Variants in TRIM49 observed in about 807,000 individuals in gnomAD.
TRIM49 encodes the protein tripartite motif-containing protein 49.
A neutral mutation model predicts 27.4 loss-of-function variants in TRIM49; 5 were observed. The ratio of observed to expected loss-of-function variants is 0.18; its 90% CI spans 0.10 to 0.38. TRIM49 has a LOEUF of 0.38. TRIM49 is among the 10% of genes least tolerant of loss of function. The pLI is 1.00. For missense variants in TRIM49, 188 were observed against 487.5 expected, an observed-to-expected ratio of 0.39 and a Z score of 5.79; for synonymous variants, 69 against 166.0, an observed-to-expected ratio of 0.42 and a Z score of 4.49.
chr11:89,784,618 G>C, the TRIM49 span, among the ~76,000 whole-genome samples: 2 of 139,646 alleles, frequency 1.4e-5, no homozygotes, highest in African/African-American at 6.0e-5. Context: ...CTCCAACCCA[G>C]CACTCCTTTT....
downstream of TRIM49, among the ~76,000 whole-genome samples, chr11:89,795,885 TGA>T (rs1491318742): frequency 1.3e-4 from 20 of 149,696 alleles, no homozygotes; most frequent in African/African-American, 4.2e-4. Context: ...TAAAGTATAA[TGA>T]AAAAAAAAAT....
chr11:89,777,203 C>A, the TRIM49 span: 1 of 1,548,682 alleles, frequency 6.5e-7, no homozygotes, highest in East Asian at 2.5e-5. Context: ...AAGCTGTCTT[C>A]CCTAGCCAGA....
rs745730767 is a variant in TRIM49 at position 89,798,265 on chromosome 11, T to G, written c.1224A>C (p.Arg408=). 1 of 1,577,002 alleles carries G rather than the reference T, an allele frequency of 6.3e-7. No individual in the cohort carries two copies. The highest frequency in any genetic ancestry group is 8.6e-7 in the Non-Finnish European group (1 of 1,168,516). Residue 408 remains arginine (R), a synonymous_variant, in exon 8 of 8, where the codon CGA becomes CGC. Transcript: ENST00000329758. The part of the protein sequence containing the change: ...MLQYIPKPTS[R]VGLFLDCEAK... The stretch of plus-strand genomic sequence containing the variant: ...CCTCACAATCCAGGAATAATCCTAC[T>G]CGGCTGGTAGGTTTTGGGATATATT...
chr11:89,807,974 C>G (rs1949800370), intron 1 of TRIM49, among the ~76,000 whole-genome samples: 1 of 127,224 alleles, frequency 7.9e-6, no homozygotes, highest in African/African-American at 3.5e-5. Flanking sequence ...CCTGGGGTCT[C>G]TCATTGAATT....
the TRIM49 span, chr11:89,787,168 G>A: frequency 1.1e-4 from 25 of 220,066 alleles, no homozygotes; most frequent in African/African-American, 5.8e-4. Flanking sequence ...AAAACTGCCT[G>A]CAGAGGGTCA....
At position 89,798,306 on chromosome 11, in the gene TRIM49, A is replaced by C. The variant is rs2134632942; in HGVS notation, c.1183T>G (p.Ser395Ala). ...NDIQCSLFTT[S>A]PLMLQYIPKP... ...GGGATATATTGCAGCATAAGTGGGG[A>C]GGTGGTAAAGAGACTGCATTGAATG... Residue 395 changes from serine (S) to alanine (A), a missense_variant, in exon 8 of 8, where the codon TCC (serine) becomes GCC (alanine). By Grantham distance (99) the Ser-to-Ala change is moderately conservative. Coordinates refer to ENST00000329758, the MANE Select transcript of TRIM49 (RefSeq NM_020358.2). 5.1e-6 allele frequency: 8 copies of C among 1,574,220 alleles called. No individual in the cohort carries two copies. In the East Asian group the frequency reaches 2.0e-4, roughly 39 times the overall value.
chr11:89,770,340 A>G, the TRIM49 span, among the ~76,000 whole-genome samples: 1 of 131,478 alleles, frequency 7.6e-6, no homozygotes, highest in Non-Finnish European at 1.5e-5. Flanking sequence ...CTGTATTCTC[A>G]TTCTTTCTCC....
the TRIM49 span, among the ~76,000 whole-genome samples, chr11:89,790,499 C>A: frequency 2.5e-4 from 38 of 152,106 alleles, no homozygotes; most frequent in South Asian, 5.2e-3. Flanking sequence ...AGGCACCCCC[C>A]AGTAGGGGCA....
the TRIM49 span, among the ~76,000 whole-genome samples, chr11:89,791,395 C>T: frequency 6.6e-6 from 1 of 151,820 alleles, no homozygotes; most frequent in African/African-American, 2.4e-5. Flanking sequence ...ATAGAGAATA[C>T]CACAAAGATA....
chr11:89,787,187 G>T, the TRIM49 span: 9,688 of 235,670 alleles, frequency 0.041, 40 homozygotes, highest in Non-Finnish European at 0.053. Context: ...CAGGGACTGC[G>T]AGCTGTCCGC....
intron 2 of TRIM49, among the ~76,000 whole-genome samples, 153 bp from the exon 3 acceptor site, chr11:89,804,626 C>T (rs1452973531): frequency 1.3e-5 from 2 of 151,320 alleles, no homozygotes. Context: ...TAAAAATTTA[C>T]ACTTAGAGGG....
chr11:89,785,226 G>GAATAAATAAACA, the TRIM49 span, among the ~76,000 whole-genome samples: 2 of 133,270 alleles, frequency 1.5e-5, no homozygotes, highest in African/African-American at 6.3e-5. Context: ...CTGCCTCAGT[G>GAATAAATAAACA]AATAAATAAA....
downstream of TRIM49, among the ~76,000 whole-genome samples, chr11:89,795,497 A>C (rs1391291550): frequency 3.7e-4 from 18 of 48,080 alleles, no homozygotes; most frequent in African/African-American, 1.2e-3. Context: ...GAAATGTCCA[A>C]AAATAAGAGA....
chr11:89,794,274 G>T (rs1253978538), downstream of TRIM49, among the ~76,000 whole-genome samples: 3 of 125,574 alleles, frequency 2.4e-5, no homozygotes, highest in Admixed American at 2.5e-4. Flanking sequence ...CATGCTCAGG[G>T]ATAGGAAGAA....
intron 7 of TRIM49, among the ~76,000 whole-genome samples, 182 bp from the exon 8 acceptor site, chr11:89,798,811 ATAT>A (rs1257722991): frequency 8.9e-6 from 1 of 112,518 alleles, no homozygotes; most frequent in Non-Finnish European, 1.7e-5. Context: ...CTAACCACAG[ATAT>A]TATGTTTTTT....
intron 2 of TRIM49, among the ~76,000 whole-genome samples, chr11:89,805,120 T>G (rs1949778698): frequency 6.6e-6 from 1 of 151,752 alleles, no homozygotes; most frequent in East Asian, 1.9e-4. Context: ...ATTAAACTAA[T>G]CAAGTTTCAC....
chr11:89,805,062 A>C (rs1376589083), intron 2 of TRIM49, among the ~76,000 whole-genome samples: 4 of 151,792 alleles, frequency 2.6e-5, no homozygotes, highest in Non-Finnish European at 4.4e-5. Flanking sequence ...ATCAAAACAA[A>C]ATTTAAAAAA....
At chr11:89,766,771 T>C in the TRIM49 span, 1 of 1,341,868 alleles carries the variant, frequency 7.5e-7, no homozygotes, top group South Asian at 1.2e-5. Flanking sequence ...ATTGGGGAGG[T>C]GGTCAAGAGA....
chr11:89,777,053 CG>C, the TRIM49 span: 1 of 1,549,306 alleles, frequency 6.5e-7, no homozygotes, highest in Non-Finnish European at 8.7e-7. Flanking sequence ...CTTCATAGAC[CG>C]GTCACCATTG....
Sources: gnomAD v4.1 joint callset for allele counts (sites outside exome capture counted in the v4.1 genomes callset) on GRCh38, gnomAD v4.1.1 for gene constraint, MANE v1.5 for transcripts, NCBI Gene and HGNC (gene_info 2026-07-23, HGNC 2026-07-21) for gene names.